ZDHHC23: variants seen among roughly 807,000 people sequenced by gnomAD.
ZDHHC23 encodes palmitoyltransferase ZDHHC23.
Under a neutral mutation model 40.2 loss-of-function variants are expected in ZDHHC23, and 41 were observed. The ratio of observed to expected loss-of-function variants is 1.02; its 90% CI spans 0.79 to 1.32. ZDHHC23 has a LOEUF of 1.32. ZDHHC23 is among the 40% of genes most tolerant of loss of function. ZDHHC23 has a pLI of 0.00. For missense variants in ZDHHC23, 471 were observed against 541.5 expected, an observed-to-expected ratio of 0.87 and a Z score of 1.29; for synonymous variants, 204 against 210.2, an observed-to-expected ratio of 0.97 and a Z score of 0.26.
In ZDHHC23 at chr3:113,958,718, A is replaced by G. The variant is rs943515856; in HGVS notation, c.*88A>G. 7 of 1,590,032 alleles carry G rather than the reference A, an allele frequency of 4.4e-6. No homozygotes were observed. Among genetic ancestry groups the G allele is most frequent in the Non-Finnish European group, 5.1e-6 (6 of 1,175,272 alleles). On this transcript the variant is annotated 3_prime_UTR_variant, in exon 5 of 5. Transcript: ENST00000638807. ...CACTTCAGTGTCCATTTCTATCCCC[A>G]GTTTCTTAAAGGCATTATAGGGCCA...
In ZDHHC23 at chr3:113,961,707, T is replaced by C. The variant is rs1036198190; in HGVS notation, c.*3077T>C. 7.2e-5 allele frequency: 11 copies of C among 152,656 alleles called. No homozygotes were observed. Among genetic ancestry groups the C allele is most frequent in the African/African-American group, 2.7e-4 (11 of 41,458 alleles). The allele number at this position is 152,656 out of a possible 1,614,324, so 9.5% of individuals were successfully genotyped here. ...AGTGTACCATCTGCCTAGCAAAAAATTGCTACAAACTTTCTCTTATGCAAT... is the reference window on the plus strand; with the variant it reads ...AGTGTACCATCTGCCTAGCAAAAAACTGCTACAAACTTTCTCTTATGCAAT... On this transcript the variant is annotated 3_prime_UTR_variant, in exon 5 of 5. Transcript: ENST00000638807.
chr3:113,956,843 A>G (rs1480345550), intron 4 of ZDHHC23, among the ~76,000 whole-genome samples: 1 of 152,248 alleles, frequency 6.6e-6, no homozygotes, highest in African/African-American at 2.4e-5. Flanking sequence ...TAGCAGCCCC[A>G]GGGCACATAT....
chr3:113,960,635 T>A lies in ZDHHC23; in HGVS notation c.*2005T>A. ...AACATCTAAATGTAATGTGATGTGA[T>A]GAAGATAAGTAGTACAAAGAGACCA... On this transcript the variant is annotated 3_prime_UTR_variant, in exon 5 of 5. Transcript: ENST00000638807. 6.3e-7 allele frequency: 1 copy of A among 1,588,500 alleles called. No individual in the cohort carries two copies. Among genetic ancestry groups the A allele is most frequent in the Non-Finnish European group, 8.5e-7 (1 of 1,172,462 alleles).
chr3:113,966,839 C>G (rs962955392), downstream of ZDHHC23, among the ~76,000 whole-genome samples: 1 of 152,098 alleles, frequency 6.6e-6, no homozygotes, highest in Non-Finnish European at 1.5e-5. Flanking sequence ...TGGGTCACAC[C>G]TGTAATCCCA....
the ZDHHC23 span, among the ~76,000 whole-genome samples, chr3:113,973,543 A>G: frequency 6.7e-6 from 1 of 149,010 alleles, no homozygotes; most frequent in Admixed American, 6.7e-5. Context: ...AACTTTCTCT[A>G]TCCTTCATAT....
chr3:113,979,480 A>T, the ZDHHC23 span, among the ~76,000 whole-genome samples: 1 of 152,264 alleles, frequency 6.6e-6, no homozygotes, highest in Non-Finnish European at 1.5e-5. Context: ...CATTATCAAT[A>T]AACCACAAAA....
Position 113,958,930 on chromosome 3 carries a change from C to T in ZDHHC23, c.*300C>T. The T allele has an allele frequency of 8.2e-7, 1 of 1,224,900 alleles. No individual in the cohort carries two copies. The highest frequency in any genetic ancestry group is 1.5e-5 in the South Asian group (1 of 68,314). 75.9% of individuals were successfully genotyped at this position (1,224,900 alleles called of 1,614,324 possible). ...ACAAATTGATAGAAGCAATTCCCAT[C>T]CATTAGTATGGAGGAAAGAGTGTTG... On this transcript the variant is annotated 3_prime_UTR_variant, in exon 5 of 5. Transcript: ENST00000638807.
the ZDHHC23 span, among the ~76,000 whole-genome samples, chr3:113,971,175 C>T: frequency 6.6e-6 from 1 of 152,170 alleles, no homozygotes; most frequent in South Asian, 2.1e-4. Flanking sequence ...AGTTTACAGT[C>T]CCACCAACAG....
At chr3:113,969,056 G>C (rs1940523464), downstream of ZDHHC23, among the ~76,000 whole-genome samples, 1 of 152,160 alleles carries the variant, frequency 6.6e-6, no homozygotes, top group Admixed American at 6.6e-5. Flanking sequence ...AAAGAAAAAG[G>C]GGGAGGGAGG....
intron 2 of ZDHHC23, among the ~76,000 whole-genome samples, chr3:113,953,061 A>G (rs961314290): frequency 6.6e-6 from 1 of 152,218 alleles, no homozygotes; most frequent in African/African-American, 2.4e-5. Context: ...GATTTGACTC[A>G]TACTAGTTTG....
intron 3 of ZDHHC23, among the ~76,000 whole-genome samples, chr3:113,956,135 G>A (rs1001015148): frequency 6.6e-6 from 1 of 152,156 alleles, no homozygotes; most frequent in African/African-American, 2.4e-5. Flanking sequence ...CCAGCTACTT[G>A]AGAGGCTGAG....
At position 113,959,622 on chromosome 3, in the gene ZDHHC23, A is replaced by G; in HGVS notation, c.*992A>G. 8.4e-7 allele frequency: 1 copy of G among 1,187,522 alleles called. No homozygotes were observed. Among genetic ancestry groups the G allele is most frequent in the Non-Finnish European group, 1.1e-6 (1 of 918,786 alleles). 73.6% of individuals were successfully genotyped at this position (1,187,522 alleles called of 1,614,324 possible). ...TCTGGTAGGAAGGCTGAGTAACATC[A>G]CGGGCTCGATTATTTTCTTCATGTA... On this transcript the variant is annotated 3_prime_UTR_variant, in exon 5 of 5. Transcript: ENST00000638807.
chr3:113,978,497 G>C, the ZDHHC23 span: 1 of 689,220 alleles, frequency 1.5e-6, no homozygotes, highest in Non-Finnish European at 2.4e-6. Context: ...CCTCTATAAT[G>C]TATCCTAAAA....
rs990746455 is a variant in ZDHHC23, at chr3:113,962,552, G to A, written c.*3922G>A. On this transcript the variant is annotated 3_prime_UTR_variant, in exon 5 of 5. Coordinates refer to ENST00000638807, the MANE Select transcript of ZDHHC23 (RefSeq NM_001320466.2). ...TAGTTACTGATGCAACTAAAATTCTGTATTTCTTAAGATGGAGCCACTGAC... is the reference window on the plus strand; with the variant it reads ...TAGTTACTGATGCAACTAAAATTCTATATTTCTTAAGATGGAGCCACTGAC... 6.6e-6 allele frequency: 1 copy of A among 152,202 alleles called. No homozygotes were observed. The highest frequency in any genetic ancestry group is 1.5e-5 in the Non-Finnish European group (1 of 68,046). The allele number at this position is 152,202 out of a possible 1,614,324, so 9.4% of individuals were successfully genotyped here.
the ZDHHC23 span, among the ~76,000 whole-genome samples, chr3:113,970,602 T>C: frequency 1.3e-5 from 2 of 152,166 alleles, no homozygotes; most frequent in South Asian, 4.1e-4. Flanking sequence ...AGTTTTAGGG[T>C]ACATGTGCAC....
At position 113,953,886 on chromosome 3, in the gene ZDHHC23, T is replaced by C; in HGVS notation, c.348T>C (p.Val116=). The C allele has an allele frequency of 1.2e-6, 2 of 1,614,142 alleles. No individual in the cohort carries two copies. Among genetic ancestry groups the C allele is most frequent in the Non-Finnish European group, 1.7e-6 (2 of 1,180,016 alleles). ...ASWHFLLGVV[V]LTSLPVLALW... is the part of the protein sequence containing the mutation. Reference sequence around the variant, plus strand: ...GGCATTTCCTCCTGGGGGTGGTGGTTTTGACCTCCCTTCCTGTGCTGGCAC... The same window carrying C: ...GGCATTTCCTCCTGGGGGTGGTGGTCTTGACCTCCCTTCCTGTGCTGGCAC... Residue 116 remains valine (V), a synonymous_variant, in exon 3 of 5, where the codon GTT becomes GTC. Coordinates refer to ENST00000638807, the MANE Select transcript of ZDHHC23 (RefSeq NM_001320466.2).
Position 113,954,032 on chromosome 3 carries a change from G to T in ZDHHC23, c.494G>T (p.Arg165Leu). ...VFLQEVVPKGRVGPVQLAVLT... is the reference protein window; with the variant it reads ...VFLQEVVPKGLVGPVQLAVLT... ...CTGCAGGAAGTGGTCCCCAAAGGGC[G>T]TGTGGGTCCCGTTCAGCTGGCGGTT... Residue 165 changes from arginine (R) to leucine (L), a missense_variant, in exon 3 of 5, where the codon CGT becomes CTT. Physicochemically the swap from Arg to Leu is moderately radical, Grantham distance 102 (BLOSUM62 -2). Transcript: ENST00000638807. 1 of 1,614,090 alleles carries T rather than the reference G, an allele frequency of 6.2e-7. No individual in the cohort carries two copies. Among genetic ancestry groups the T allele is most frequent in the Non-Finnish European group, 8.5e-7 (1 of 1,180,022 alleles).
chr3:113,948,504 G>C (rs1938333448), intron 1 of ZDHHC23, 182 bp from the exon 2 acceptor site: 1 of 321,962 alleles, frequency 3.1e-6, no homozygotes, highest in African/African-American at 2.1e-5. Context: ...CGGACGCGTG[G>C]TCGGCTGTCG....
Position 113,960,620 on chromosome 3 carries a change from T to C in ZDHHC23, c.*1990T>C. 5 of 1,574,182 alleles carry C rather than the reference T, an allele frequency of 3.2e-6. No individual in the cohort carries two copies. Among genetic ancestry groups the C allele is most frequent in the East Asian group, 2.4e-5 (1 of 42,098 alleles). On this transcript the variant is annotated 3_prime_UTR_variant, in exon 5 of 5. Transcript: ENST00000638807. ...TGCCAAATTGTTCACAACATCTAAATGTAATGTGATGTGATGAAGATAAGT... is the reference window on the plus strand; with the variant it reads ...TGCCAAATTGTTCACAACATCTAAACGTAATGTGATGTGATGAAGATAAGT...
Sources: allele counts gnomAD v4.1 joint callset (sites outside exome capture counted in the v4.1 genomes callset), GRCh38; gene constraint gnomAD v4.1.1; transcripts MANE v1.5; gene names NCBI Gene and HGNC (gene_info 2026-07-23, HGNC 2026-07-21).